The following XKR3 variants were observed in gnomAD, a reference collection of about 807,000 sequenced individuals.
XKR3 encodes the protein XK related 3.
A neutral mutation model predicts 40.3 loss-of-function variants in XKR3; 27 were observed. The ratio of observed to expected loss-of-function variants is 0.67; its 90% CI spans 0.49 to 0.92. XKR3 has a LOEUF of 0.92. Ranked by LOEUF, XKR3 falls within the 40% of genes least tolerant of loss-of-function variation. The probability of loss-of-function intolerance (pLI) is 0.00; values close to 1 mark genes in which losing one functional copy is unlikely to be tolerated. For synonymous variants in XKR3, 193 were observed against 195.4 expected, an observed-to-expected ratio of 0.99 and a Z score of 0.10; for missense variants, 472 against 537.6, an observed-to-expected ratio of 0.88 and a Z score of 1.21.
chr22:16,812,558 C>T (rs925053067), intron 1 of XKR3, among the ~76,000 whole-genome samples: 2 of 152,016 alleles, frequency 1.3e-5, no homozygotes, highest in Non-Finnish European at 2.9e-5. Context: ...ACCTGTAATC[C>T]CAGCTACTCA....
intron 2 of XKR3, among the ~76,000 whole-genome samples, chr22:16,802,378 A>C (rs2060172832): frequency 6.6e-6 from 1 of 152,244 alleles, no homozygotes; most frequent in Non-Finnish European, 1.5e-5. Context: ...CAAAAAGGAA[A>C]AAGAAAGAAG....
intron 1 of XKR3, among the ~76,000 whole-genome samples, chr22:16,812,516 A>AC (rs1226451443): frequency 6.6e-6 from 1 of 152,076 alleles, no homozygotes; most frequent in Non-Finnish European, 1.5e-5. Context: ...CTGTACTAAA[A>AC]ATAAAAAAAT....
At chr22:16,806,600 G>T (rs1054829325) in intron 2 of XKR3, among the ~76,000 whole-genome samples, 3 of 151,294 alleles carry the variant, frequency 2.0e-5, no homozygotes, top group African/African-American at 7.3e-5. Flanking sequence ...AACACGCCCG[G>T]CTATTTTTTT....
At chr22:16,820,027 G>T (rs2060249187) in intron 1 of XKR3, among the ~76,000 whole-genome samples, 1 of 152,132 alleles carries the variant, frequency 6.6e-6, no homozygotes, top group African/African-American at 2.4e-5. Context: ...AACAAGTAAT[G>T]ACAACACCAA....
chr22:16,791,594 T>C (rs1370378548), intron 3 of XKR3, among the ~76,000 whole-genome samples: 1 of 151,488 alleles, frequency 6.6e-6, no homozygotes, highest in Non-Finnish European at 1.5e-5. Flanking sequence ...GTTAATTCTC[T>C]GGATTTAACT....
chr22:16,791,918 T>A (rs1344518962), intron 3 of XKR3, among the ~76,000 whole-genome samples: 8 of 151,628 alleles, frequency 5.3e-5, no homozygotes, highest in Non-Finnish European at 8.8e-5. Context: ...TTTTTGTTTT[T>A]TTTTTTTGTT....
intron 1 of XKR3, among the ~76,000 whole-genome samples, chr22:16,809,960 C>T (rs573388016): frequency 1.3e-5 from 2 of 152,292 alleles, no homozygotes; most frequent in East Asian, 1.9e-4. Context: ...TCATATTGCC[C>T]AGGCTGGTCT....
intron 1 of XKR3, among the ~76,000 whole-genome samples, chr22:16,813,006 C>T (rs547686584): frequency 1.2e-4 from 18 of 151,700 alleles, no homozygotes; most frequent in African/African-American, 3.4e-4. Flanking sequence ...GATAATGGGC[C>T]GGGCGCGGTG....
At chr22:16,787,981 G>A (rs982254727) in intron 3 of XKR3, among the ~76,000 whole-genome samples, 19 of 152,040 alleles carry the variant, frequency 1.2e-4, no homozygotes, top group Admixed American at 4.6e-4. Flanking sequence ...GCACTGTAGG[G>A]CAAATGGACA....
At chr22:16,808,464 A>G (rs1447596030) in intron 1 of XKR3, among the ~76,000 whole-genome samples, 1 of 152,204 alleles carries the variant, frequency 6.6e-6, no homozygotes, top group Admixed American at 6.5e-5. Flanking sequence ...ATAAAACGGC[A>G]CAATCTAAGC....
chr22:16,784,546 G>T (rs2060081992), intron 3 of XKR3, 137 bp from the exon 4 acceptor site: 1 of 884,240 alleles, frequency 1.1e-6, no homozygotes, highest in Non-Finnish European at 1.7e-6. Flanking sequence ...TAAAAAGAAA[G>T]GTTTGTTAAT....
intron 2 of XKR3, among the ~76,000 whole-genome samples, chr22:16,801,611 A>C (rs1392286958): frequency 6.6e-6 from 1 of 152,146 alleles, no homozygotes; most frequent in Non-Finnish European, 1.5e-5. Context: ...CTAAACGTAC[A>C]TGTTCAGAAC....
intron 3 of XKR3, among the ~76,000 whole-genome samples, chr22:16,787,046 G>C (rs1404081437): frequency 6.6e-6 from 1 of 152,046 alleles, no homozygotes; most frequent in Admixed American, 6.6e-5. Context: ...TTAGCAAGGA[G>C]ATTGAAATAA....
intron 1 of XKR3, among the ~76,000 whole-genome samples, chr22:16,809,534 C>T (rs1017824139): frequency 6.6e-6 from 1 of 152,056 alleles, no homozygotes; most frequent in African/African-American, 2.4e-5. Flanking sequence ...GGTTTTATCC[C>T]ACAACAGTGA....
rs761334127 is a variant in XKR3 at position 16,807,987 on chromosome 22, G to A, written c.87C>T (p.Leu29=). The part of the protein sequence containing the change: ...SKEEIVLGQR[L]HLSFPFSIIF... ...TAATGCTAAAAGGAAAGCTTAGATG[G>A]AGTCTCTGGCCAAGGACTATTTCTT... is the stretch of plus-strand genomic sequence containing the variant. The change falls in exon 2 of 4, where the codon CTC becomes CTT. Residue 29 remains leucine, a synonymous_variant. Coordinates refer to ENST00000684488, the MANE Select transcript of XKR3 (RefSeq NM_001386955.1). 2 of 1,613,842 alleles carry A rather than the reference G, an allele frequency of 1.2e-6. No individual in the cohort carries two copies. The highest frequency in any genetic ancestry group is 1.7e-6 in the Non-Finnish European group (2 of 1,179,916).
chr22:16,817,476 A>C (rs899730708), intron 1 of XKR3, among the ~76,000 whole-genome samples: 10 of 152,142 alleles, frequency 6.6e-5, no homozygotes, highest in African/African-American at 2.4e-4. Flanking sequence ...GCTTTGAATA[A>C]AAACCTCATT....
chr22:16,789,687 A>G (rs2146142455), intron 3 of XKR3, among the ~76,000 whole-genome samples: 1 of 152,340 alleles, frequency 6.6e-6, no homozygotes, highest in South Asian at 2.1e-4. Context: ...ATTAATATGA[A>G]ACCGCAGAAA....
chr22:16,799,829 T>A lies in XKR3; in HGVS notation c.531A>T (p.Pro177=). The A allele has an allele frequency of 6.2e-7, 1 of 1,614,126 alleles. No individual in the cohort carries two copies. The highest frequency in any genetic ancestry group is 8.5e-7 in the Non-Finnish European group (1 of 1,180,004). ...TGATATACATCTGCAAAATTAATTGTGGAACAGAACCGAGAAAAGCCTGAA... is the reference window on the plus strand; with the variant it reads ...TGATATACATCTGCAAAATTAATTGAGGAACAGAACCGAGAAAAGCCTGAA... ...SVIQAFLGSV[P]QLILQMYISL... Residue 177 remains proline (P), a synonymous_variant, in exon 3 of 4, where the codon CCA becomes CCT. Transcript: ENST00000684488.
At chr22:16,809,340 T>C (rs2060203397) in intron 1 of XKR3, among the ~76,000 whole-genome samples, 2 of 152,198 alleles carry the variant, frequency 1.3e-5, no homozygotes, top group African/African-American at 4.8e-5. Context: ...TTCTCTTTTG[T>C]GTAATTTATT....
Sources: gnomAD v4.1 joint callset for allele counts (sites outside exome capture counted in the v4.1 genomes callset) on GRCh38, gnomAD v4.1.1 for gene constraint, MANE v1.5 for transcripts, NCBI Gene and HGNC (gene_info 2026-07-23, HGNC 2026-07-21) for gene names.